The following IQCB1 variants were observed in gnomAD, a reference collection of about 807,000 sequenced individuals.
The protein encoded by IQCB1 is IQ motif containing B1.
Under a neutral mutation model 84.4 loss-of-function variants are expected in IQCB1, and 56 were observed. That is an observed-to-expected ratio of 0.66 (90% CI 0.54 to 0.83). IQCB1 has a LOEUF of 0.83. Ranked by LOEUF, IQCB1 falls within the 40% of genes least tolerant of loss-of-function variation. The pLI, the probability that IQCB1 is intolerant of heterozygous loss-of-function variation, is 0.00. For synonymous variants in IQCB1, 210 were observed against 234.8 expected, an observed-to-expected ratio of 0.89 and a Z score of 0.96; for missense variants, 629 against 682.1, an observed-to-expected ratio of 0.92 and a Z score of 0.87.
At chr3:121,813,162 C>T (rs1023885549) in intron 5 of IQCB1, among the ~76,000 whole-genome samples, 16 of 152,166 alleles carry the variant, frequency 1.1e-4, no homozygotes, top group Admixed American at 5.9e-4. Context: ...TCATATCTAG[C>T]CAAACTAAGC....
rs1475377095 is a variant in IQCB1, at chr3:121,770,257, G to C, written c.*88C>G. The C allele has an allele frequency of 3.5e-6, 3 of 845,810 alleles. No individual in the cohort carries two copies. Among genetic ancestry groups the C allele is most frequent in the South Asian group, 1.4e-5 (1 of 71,210 alleles). The allele number at this position is 845,810 out of a possible 1,614,324, so 52.4% of individuals were successfully genotyped here. On this transcript the variant is annotated 3_prime_UTR_variant, in exon 15 of 15. Coordinates refer to ENST00000310864, the MANE Select transcript of IQCB1 (RefSeq NM_001023570.4). ...AGAACCTCTGGAAAATAATAAGTTA[G>C]GATGGCCCTAGTCTACCAGCATGCC...
At chr3:121,825,953 A>G (rs1000125745) in intron 5 of IQCB1, 98 bp downstream of exon 5, 4 of 1,151,446 alleles carry the variant, frequency 3.5e-6, no homozygotes, top group African/African-American at 1.5e-5. Flanking sequence ...CACTACTTTA[A>G]TTGTACTTTC....
intron 7 of IQCB1, among the ~76,000 whole-genome samples, 193 bp downstream of exon 7, chr3:121,807,151 G>C (rs893588613): frequency 1.2e-5 from 1 of 86,480 alleles, no homozygotes; most frequent in Non-Finnish European, 2.3e-5. Context: ...AGACAATGGT[G>C]ATGGAACTTC....
chr3:121,830,950 T>A (rs79335749), intron 2 of IQCB1, among the ~76,000 whole-genome samples: 15,659 of 152,252 alleles, frequency 0.1, 855 homozygotes, highest in South Asian at 0.15. Flanking sequence ...TCAGATCATA[T>A]CTTTTTTGTC....
At chr3:121,834,104 T>C (rs1231946422) in intron 2 of IQCB1, 1 of 152,210 alleles carries the variant, frequency 6.6e-6, no homozygotes, top group African/African-American at 2.4e-5. Context: ...AGCATTTAAC[T>C]ACGATATGAA....
chr3:121,807,470 A>C, intron 6 of IQCB1, 27 bp from the exon 7 acceptor site: 1 of 1,109,082 alleles, frequency 9.0e-7, no homozygotes, highest in Non-Finnish European at 1.4e-6. Context: ...AAAAAGAAAG[A>C]TTAAAGTAAA....
intron 12 of IQCB1, among the ~76,000 whole-genome samples, chr3:121,784,266 G>C (rs946163370): frequency 3.3e-5 from 5 of 151,074 alleles, no homozygotes; most frequent in Non-Finnish European, 7.4e-5. Context: ...GGCTGGCCTA[G>C]AACTCCTGAG....
intron 7 of IQCB1, among the ~76,000 whole-genome samples, chr3:121,804,439 G>A (rs780651642): frequency 1.3e-5 from 2 of 151,940 alleles, no homozygotes; most frequent in African/African-American, 2.4e-5. Context: ...TTGTAGTGTT[G>A]GTCTGCTGGT....
intron 13 of IQCB1, 80 bp downstream of exon 13, chr3:121,781,663 A>AAAAT: frequency 2.9e-6 from 3 of 1,046,432 alleles, no homozygotes; most frequent in Non-Finnish European, 4.3e-6. Flanking sequence ...ACACACACAC[A>AAAAT]ATATATGTGT....
At chr3:121,817,932 G>C (rs1950135174) in intron 5 of IQCB1, among the ~76,000 whole-genome samples, 1 of 152,216 alleles carries the variant, frequency 6.6e-6, no homozygotes, top group East Asian at 1.9e-4. Context: ...GCACACAAGA[G>C]AGTGGCTGTC....
intron 13 of IQCB1, among the ~76,000 whole-genome samples, chr3:121,780,095 C>T (rs1406796324): frequency 6.6e-6 from 1 of 152,148 alleles, no homozygotes; most frequent in Non-Finnish European, 1.5e-5. Flanking sequence ...GGGGTTCTCT[C>T]TCTTTGCAGC....
At chr3:121,787,002 G>A (rs1383192239) in intron 12 of IQCB1, among the ~76,000 whole-genome samples, 2 of 152,050 alleles carry the variant, frequency 1.3e-5, no homozygotes, top group Non-Finnish European at 2.9e-5. Context: ...AATATCAACT[G>A]GTTAACCCCT....
intron 13 of IQCB1, 81 bp downstream of exon 13, chr3:121,781,651 ACACACACACAC>A (rs1948497402): frequency 3.2e-6 from 3 of 950,928 alleles, no homozygotes; most frequent in Non-Finnish European, 4.7e-6. Flanking sequence ...ACACACACAC[ACACACACACAC>A]AATATATGTG....
intron 13 of IQCB1, among the ~76,000 whole-genome samples, chr3:121,773,116 A>C (rs1322826005): frequency 6.6e-6 from 1 of 152,098 alleles, no homozygotes; most frequent in Non-Finnish European, 1.5e-5. Context: ...TGAGGTCAGG[A>C]GTTCAAGACC....
intron 14 of IQCB1, among the ~76,000 whole-genome samples, chr3:121,771,903 C>T (rs1007556497): frequency 2.6e-5 from 4 of 151,954 alleles, no homozygotes; most frequent in Non-Finnish European, 4.4e-5. Context: ...AGGCTAGGCA[C>T]GGTGGCTCAC....
At chr3:121,813,135 A>T (rs1389378789) in intron 5 of IQCB1, among the ~76,000 whole-genome samples, 1 of 152,158 alleles carries the variant, frequency 6.6e-6, no homozygotes. Context: ...AAAGAAAATA[A>T]TTTTCAACCT....
In IQCB1 at chr3:121,828,986, G is replaced by C. The variant is rs765173400; in HGVS notation, c.-12-14C>G. ...TTCTCTTATTACCTATATTTTAACA[G>C]AATCAGAGAATAAAGGTCAAAAAGC... On this transcript the variant is annotated splice_polypyrimidine_tract_variant and intron_variant, in intron 2 of 14. Coordinates refer to ENST00000310864, the MANE Select transcript of IQCB1 (RefSeq NM_001023570.4). 2 of 1,369,496 alleles carry C rather than the reference G, an allele frequency of 1.5e-6. No individual in the cohort carries two copies. The highest frequency in any genetic ancestry group is 1.7e-5 in the Admixed American group (1 of 59,598). 84.8% of individuals were successfully genotyped at this position (1,369,496 alleles called of 1,614,324 possible).
chr3:121,809,796 C>A (rs1322311150), intron 5 of IQCB1, among the ~76,000 whole-genome samples: 2 of 151,938 alleles, frequency 1.3e-5, no homozygotes, highest in Non-Finnish European at 2.9e-5. Context: ...TTATCCATGT[C>A]CTGAATGTTT....
intron 8 of IQCB1, 151 bp downstream of exon 8, chr3:121,799,045 C>CTT: frequency 2.8e-5 from 16 of 563,978 alleles, no homozygotes; most frequent in Non-Finnish European, 4.1e-5. Context: ...TATATAAAGA[C>CTT]TTTTTTTTTT....
Sources: gnomAD v4.1 joint callset for allele counts (sites outside exome capture counted in the v4.1 genomes callset) on GRCh38, gnomAD v4.1.1 for gene constraint, MANE v1.5 for transcripts, NCBI Gene and HGNC (gene_info 2026-07-23, HGNC 2026-07-21) for gene names.